Variants in RNF10 observed in about 807,000 individuals in gnomAD.
The protein encoded by RNF10 is ring finger protein 10.
A neutral mutation model predicts 91.4 loss-of-function variants in RNF10; 38 were observed. The ratio of observed to expected loss-of-function variants is 0.42; its 90% CI spans 0.32 to 0.54. The LOEUF (loss-of-function observed/expected upper bound fraction) is 0.54. RNF10 is among the 20% of genes least tolerant of loss of function. The pLI is 0.16. For synonymous variants in RNF10, 364 were observed against 366.3 expected, an observed-to-expected ratio of 0.99 and a Z score of 0.07; for missense variants, 945 against 1,012.0, an observed-to-expected ratio of 0.93 and a Z score of 0.90.
intron 8 of RNF10, 113 bp from the exon 9 acceptor site, chr12:120,563,234 C>A: frequency 1.4e-6 from 2 of 1,476,464 alleles, no homozygotes; most frequent in Non-Finnish European, 1.9e-6. Flanking sequence ...AATCAGTGAA[C>A]ACGACAGCTA....
chr12:120,548,657 TTTC>T (rs1487536170), intron 2 of RNF10, among the ~76,000 whole-genome samples: 6 of 136,326 alleles, frequency 4.4e-5, no homozygotes, highest in Admixed American at 2.4e-4. Context: ...ATTTTTTTTC[TTTC>T]TTTTTTTTTT....
Position 120,575,693 on chromosome 12 carries a change from G to A in RNF10, c.2200+5G>A, listed in dbSNP as rs61760872. 30 of 1,614,068 alleles carry A rather than the reference G, an allele frequency of 1.9e-5. No homozygotes were observed. Among genetic ancestry groups the A allele is most frequent in the Non-Finnish European group, 2.5e-5 (30 of 1,180,038 alleles). ...CCAAAACTGCTCCAAAGAAAGGTGA[G>A]GATGGTCCACTGGTGAAGGGGGAGT... On this transcript the variant is annotated splice_donor_5th_base_variant and intron_variant, in intron 15 of 16. Transcript: ENST00000325954.
At position 120,552,659 on chromosome 12, in the gene RNF10, G is replaced by A; in HGVS notation, c.515G>A (p.Gly172Glu). 1 of 1,614,118 alleles carries A rather than the reference G, an allele frequency of 6.2e-7. No individual in the cohort carries two copies. Among genetic ancestry groups the A allele is most frequent in the Non-Finnish European group, 8.5e-7 (1 of 1,180,026 alleles). The change falls in exon 3 of 17, where the codon GGA (glycine) becomes GAA (glutamate). Residue 172 changes from glycine (G) to glutamate (E), a missense_variant. Physicochemically the swap from Gly to Glu is moderately conservative, Grantham distance 98 (BLOSUM62 -2). Transcript: ENST00000325954. The part of the protein sequence containing the change: ...HGSWGKRNKW[G>E]HKPFNKELFL... ...AGCTGGGGAAAGAGGAACAAGTGGG[G>A]ACATAAGCCTTTTAACAAGGAACTC...
chr12:120,534,788 C>T lies in RNF10; in HGVS notation c.-24C>T, dbSNP rs776910731. On this transcript the variant is annotated 5_prime_UTR_variant, in exon 1 of 17. Transcript: ENST00000325954. ...CGCCGCGCCCGCTCCGCTCCGACTG[C>T]CGTCGCCGCCGAGGCCCCCGTTGAT... 3 of 1,546,164 alleles carry T rather than the reference C, an allele frequency of 1.9e-6. No individual in the cohort carries two copies. The highest frequency in any genetic ancestry group is 1.4e-5 in the African/African-American group (1 of 72,408).
chr12:120,563,012 T>C lies in RNF10; in HGVS notation c.1196T>C (p.Leu399Pro), dbSNP rs758895236. 1.2e-6 allele frequency: 2 copies of C among 1,614,158 alleles called. No individual in the cohort carries two copies. The highest frequency in any genetic ancestry group is 1.7e-6 in the Non-Finnish European group (2 of 1,180,008). Residue 399 changes from leucine to proline, a missense_variant, in exon 8 of 17, where the codon CTG becomes CCG. Leu to Pro is a moderately conservative substitution (Grantham distance 98, BLOSUM62 -3). Transcript: ENST00000325954. ...GAGGTCACTGGTGTTGTGGCTGCTC[T>C]GGAACAACTGGTGCTGATGGCTCCC... ...RREVTGVVAA[L>P]EQLVLMAPLA...
intron 4 of RNF10, among the ~76,000 whole-genome samples, chr12:120,555,133 A>G (rs1413738353): frequency 6.6e-6 from 1 of 152,212 alleles, no homozygotes; most frequent in Non-Finnish European, 1.5e-5. Context: ...AATCACTATC[A>G]AAGTAGGCCT....
At chr12:120,571,097 T>C (rs1031747692) in intron 13 of RNF10, 94 bp from the exon 14 acceptor site, 2 of 746,318 alleles carry the variant, frequency 2.7e-6, no homozygotes, top group Admixed American at 4.9e-5. Context: ...TGATTTGTAA[T>C]TTTCCAGACC....
At chr12:120,541,753 G>A (rs1871609646) in intron 1 of RNF10, among the ~76,000 whole-genome samples, 1 of 150,426 alleles carries the variant, frequency 6.6e-6, no homozygotes, top group Non-Finnish European at 1.5e-5. Flanking sequence ...TTAGAGACAA[G>A]CTCTCGCTCT....
chr12:120,574,887 A>G (rs1212806646), intron 14 of RNF10: 1 of 205,104 alleles, frequency 4.9e-6, no homozygotes, highest in Admixed American at 5.7e-5. Context: ...GATTTGCGCC[A>G]TTGCACTCCA....
rs1873712910 is a variant in RNF10 at position 120,554,816 on chromosome 12, G to C, written c.645+8G>C. Reference sequence around the variant, plus strand: ...GACTTTGTGGAACAAGTGGTGAGTAGCTCAGCCAAGCCCATAAGCTATGAA... The same window carrying C: ...GACTTTGTGGAACAAGTGGTGAGTACCTCAGCCAAGCCCATAAGCTATGAA... On this transcript the variant is annotated splice_region_variant and intron_variant, in intron 4 of 16. Coordinates refer to ENST00000325954, the MANE Select transcript of RNF10 (RefSeq NM_014868.5). 1 of 1,606,876 alleles carries C rather than the reference G, an allele frequency of 6.2e-7. No homozygotes were observed. The highest frequency in any genetic ancestry group is 1.3e-5 in the African/African-American group (1 of 74,790).
At chr12:120,536,365 C>T (rs1433320540) in intron 1 of RNF10, among the ~76,000 whole-genome samples, 7 of 152,090 alleles carry the variant, frequency 4.6e-5, no homozygotes, top group Admixed American at 2.0e-4. Flanking sequence ...GTTGAGGCTG[C>T]GGTGAGCTAT....
intron 13 of RNF10, among the ~76,000 whole-genome samples, chr12:120,570,735 G>A (rs1876500135): frequency 6.6e-6 from 1 of 152,168 alleles, no homozygotes; most frequent in Non-Finnish European, 1.5e-5. Context: ...TTGTTGATGT[G>A]TCTTGGATTC....
At chr12:120,540,854 CTTTTTT>C (rs34034209) in intron 1 of RNF10, among the ~76,000 whole-genome samples, 1 of 137,582 alleles carries the variant, frequency 7.3e-6, no homozygotes. Context: ...AGTTTACTTT[CTTTTTT>C]TTTTTTTTTT....
intron 7 of RNF10, among the ~76,000 whole-genome samples, chr12:120,562,653 T>G (rs1875054866): frequency 6.6e-6 from 1 of 152,184 alleles, no homozygotes; most frequent in Non-Finnish European, 1.5e-5. Context: ...AAATTTTATT[T>G]CTGTCTTTAG....
intron 4 of RNF10, among the ~76,000 whole-genome samples, chr12:120,555,050 A>G (rs1484265932): frequency 6.6e-6 from 1 of 152,212 alleles, no homozygotes; most frequent in Non-Finnish European, 1.5e-5. Flanking sequence ...GCTGGGAAGT[A>G]GTAACCCCTT....
chr12:120,550,508 A>G (rs1470502974), intron 2 of RNF10, among the ~76,000 whole-genome samples: 2 of 152,150 alleles, frequency 1.3e-5, no homozygotes, highest in African/African-American at 2.4e-5. Flanking sequence ...CCATGTGGAG[A>G]TGAAAAATAA....
At chr12:120,574,558 C>T (rs1481293557) in intron 14 of RNF10, 8 of 455,848 alleles carry the variant, frequency 1.8e-5, no homozygotes, top group South Asian at 4.6e-5. Flanking sequence ...GCTGTTGAAG[C>T]GGTGTCAGGA....
intron 2 of RNF10, among the ~76,000 whole-genome samples, chr12:120,551,700 CATAG>C: frequency 6.6e-6 from 1 of 152,206 alleles, no homozygotes; most frequent in African/African-American, 2.4e-5. Context: ...GCAGGTGTAT[CATAG>C]TGCACTGCAA....
chr12:120,568,479 CTT>C (rs200277775), intron 13 of RNF10, among the ~76,000 whole-genome samples: 11 of 144,508 alleles, frequency 7.6e-5, no homozygotes, highest in Admixed American at 1.4e-4. Flanking sequence ...TTATTAATTT[CTT>C]TTTTTTTTTT....
Sources: gnomAD v4.1 joint callset for allele counts (sites outside exome capture counted in the v4.1 genomes callset) on GRCh38, gnomAD v4.1.1 for gene constraint, MANE v1.5 for transcripts, NCBI Gene and HGNC (gene_info 2026-07-23, HGNC 2026-07-21) for gene names.